The following PRH1 variants were observed in gnomAD, a reference collection of about 807,000 sequenced individuals.
The protein encoded by PRH1 is salivary acidic proline-rich phosphoprotein 1/2.
In PRH1, 7 loss-of-function variants were observed where a neutral mutation model predicts 7.9. That is an observed-to-expected ratio of 0.89 (90% CI 0.50 to 1.67). PRH1 has a LOEUF of 1.67. PRH1 is among the 40% of genes most tolerant of loss of function. PRH1 has a pLI of 0.00. For synonymous variants in PRH1, 45 were observed against 80.8 expected (o/e 0.56, Z 2.38); for missense variants, 109 against 223.6 (o/e 0.49, Z 3.27).
chr12:10,950,262 G>T (rs79835489), intron 2 of PRH1, among the ~76,000 whole-genome samples: 3,005 of 152,156 alleles, frequency 0.02, 35 homozygotes, highest in South Asian at 0.032. Context: ...GTCTTATGAG[G>T]TGATCCTCCA....
intron 1 of PRH1, among the ~76,000 whole-genome samples, chr12:11,121,355 C>A (rs1565672861): frequency 6.6e-6 from 1 of 151,854 alleles, no homozygotes; most frequent in Non-Finnish European, 1.5e-5. Context: ...AGTTTCTATA[C>A]CCTCTTTACA....
chr12:10,892,582 T>C (rs1949590673), intron 2 of PRH1, among the ~76,000 whole-genome samples: 1 of 152,132 alleles, frequency 6.6e-6, no homozygotes, highest in Non-Finnish European at 1.5e-5. Flanking sequence ...GATTATCACT[T>C]AGCAAAATTG....
At chr12:11,031,066 T>C (rs369295433) in intron 1 of PRH1, 1 of 1,614,116 alleles carries the variant, frequency 6.2e-7, no homozygotes, top group Non-Finnish European at 8.5e-7. Flanking sequence ...AATGGCCGGT[T>C]ACTGCCCAGA....
intron 1 of PRH1, among the ~76,000 whole-genome samples, chr12:11,088,158 C>T (rs80096596): frequency 0.44 from 41,964 of 95,186 alleles, 5,386 homozygotes; most frequent in Non-Finnish European, 0.53. Context: ...CTGGGTAACA[C>T]GGTGAAATCC....
chr12:10,981,126 G>A (rs992930182), intron 1 of PRH1, among the ~76,000 whole-genome samples: 8 of 152,122 alleles, frequency 5.3e-5, no homozygotes, highest in Non-Finnish European at 8.8e-5. Flanking sequence ...TGATTGAAGG[G>A]AATCTTAAGT....
intron 1 of PRH1, among the ~76,000 whole-genome samples, chr12:11,157,819 A>G (rs1947299777): frequency 6.6e-6 from 1 of 152,172 alleles, no homozygotes; most frequent in African/African-American, 2.4e-5. Flanking sequence ...TGATGATGAT[A>G]GTGGTGGTGG....
At chr12:11,104,742 C>T (rs1247657048) in intron 1 of PRH1, among the ~76,000 whole-genome samples, 2 of 151,764 alleles carry the variant, frequency 1.3e-5, no homozygotes, top group Non-Finnish European at 1.5e-5. Flanking sequence ...CATACTCAGC[C>T]GAAATGATGG....
upstream of PRH1, among the ~76,000 whole-genome samples, chr12:10,887,358 T>G (rs914855092): frequency 2.0e-5 from 3 of 152,150 alleles, no homozygotes; most frequent in African/African-American, 7.2e-5. Flanking sequence ...ATAATACAGT[T>G]AGCAAATAAA....
intron 1 of PRH1, chr12:11,030,442 C>G: frequency 6.8e-6 from 11 of 1,614,248 alleles, no homozygotes; most frequent in Non-Finnish European, 8.5e-6. Context: ...TCACCCAGTA[C>G]CTCACTTGCC....
intron 2 of PRH1, among the ~76,000 whole-genome samples, chr12:10,891,298 C>T (rs1036745894): frequency 1.2e-4 from 19 of 152,094 alleles, no homozygotes; most frequent in Admixed American, 5.9e-4. Context: ...TTCACCTTTC[C>T]ACCAAAGGCC....
intron 1 of PRH1, among the ~76,000 whole-genome samples, chr12:11,056,937 C>G (rs1402391338): frequency 2.0e-5 from 3 of 152,264 alleles, no homozygotes; most frequent in Non-Finnish European, 4.4e-5. Flanking sequence ...TAGGCAGGAA[C>G]CAAAGATTGT....
intron 1 of PRH1, among the ~76,000 whole-genome samples, chr12:11,114,388 A>G (rs978740760): frequency 1.3e-5 from 2 of 152,192 alleles, no homozygotes; most frequent in African/African-American, 4.8e-5. Context: ...CATCATTCTC[A>G]GCAAACTAAC....
chr12:11,154,936 G>A (rs1269441114), intron 1 of PRH1, among the ~76,000 whole-genome samples: 2 of 151,744 alleles, frequency 1.3e-5, no homozygotes, highest in African/African-American at 4.8e-5. Context: ...TATATTTTCA[G>A]TATCATTTTC....
chr12:11,102,302 G>T (rs1253138560), intron 1 of PRH1, among the ~76,000 whole-genome samples: 1 of 152,136 alleles, frequency 6.6e-6, no homozygotes. Context: ...ATACTACAAG[G>T]CTATAGTAAC....
intron 2 of PRH1, among the ~76,000 whole-genome samples, chr12:10,969,637 C>T (rs11054103): frequency 0.24 from 36,914 of 151,492 alleles, 4,522 homozygotes; most frequent in Non-Finnish European, 0.25. Context: ...TTTGGTTTTT[C>T]TGTTTTTTTG....
chr12:10,985,087 G>A (rs780605656), intron 1 of PRH1, among the ~76,000 whole-genome samples: 13 of 151,720 alleles, frequency 8.6e-5, no homozygotes, highest in African/African-American at 1.2e-4. Context: ...AAAAAAACCT[G>A]AAATACTTGA....
At chr12:10,887,525 C>CTT (rs35193707), upstream of PRH1, among the ~76,000 whole-genome samples, 3,507 of 139,132 alleles carry the variant, frequency 0.025, 73 homozygotes, top group Non-Finnish European at 0.034. Flanking sequence ...TAGCATATTT[C>CTT]TTTTTTTTTT....
intron 1 of PRH1, among the ~76,000 whole-genome samples, chr12:11,010,204 C>T (rs1260948137): frequency 6.6e-6 from 1 of 151,854 alleles, no homozygotes; most frequent in Admixed American, 6.6e-5. Flanking sequence ...TTTACTAATG[C>T]AAATTTCCCA....
intron 1 of PRH1, among the ~76,000 whole-genome samples, chr12:11,160,161 G>A (rs1460334752): frequency 1.3e-5 from 2 of 152,116 alleles, no homozygotes; most frequent in African/African-American, 4.8e-5. Flanking sequence ...GAAATTGTTA[G>A]AAATAACATT....
Sources: gnomAD v4.1 joint callset for allele counts (sites outside exome capture counted in the v4.1 genomes callset) on GRCh38, gnomAD v4.1.1 for gene constraint, MANE v1.5 for transcripts, NCBI Gene and HGNC (gene_info 2026-07-23, HGNC 2026-07-21) for gene names.